TNRC6B: variants seen among roughly 807,000 people sequenced by gnomAD.
TNRC6B encodes the protein trinucleotide repeat-containing gene 6B protein.
TNRC6B carries 52 observed loss-of-function variants against 203.6 expected under a neutral mutation model. The ratio of observed to expected loss-of-function variants is 0.26; its 90% CI spans 0.20 to 0.32. TNRC6B has a LOEUF of 0.32. Ranked by LOEUF, TNRC6B falls within the 10% of genes least tolerant of loss-of-function variation. The pLI, the probability that TNRC6B is intolerant of heterozygous loss-of-function variation, is 1.00. For missense variants in TNRC6B, 1,923 were observed against 2,286.2 expected (o/e 0.84, Z 3.24); for synonymous variants, 838 against 845.7 (o/e 0.99, Z 0.16).
At chr22:40,177,705 TG>T (rs2069077666), upstream of TNRC6B, among the ~76,000 whole-genome samples, 1 of 152,256 alleles carries the variant, frequency 6.6e-6, no homozygotes, top group African/African-American at 2.4e-5. Context: ...TTTTCTGTTT[TG>T]TTCATCTGTT....
At chr22:40,159,265 A>G (rs2146356094) in intron 4 of TNRC6B, among the ~76,000 whole-genome samples, 1 of 146,874 alleles carries the variant, frequency 6.8e-6, no homozygotes, top group East Asian at 2.1e-4. Flanking sequence ...ACCTGGCCGG[A>G]ACTGAGTAAT....
intron 1 of TNRC6B, among the ~76,000 whole-genome samples, chr22:40,199,692 T>C (rs1402116764): frequency 2.0e-5 from 3 of 152,140 alleles, no homozygotes; most frequent in Admixed American, 1.3e-4. Context: ...GTGACGAAGC[T>C]TACATGGGGC....
chr22:40,305,225 G>A lies in TNRC6B; in HGVS notation c.4121-3287G>A, dbSNP rs146768747. Among the ~76,000 whole-genome samples the A allele has an allele frequency of 2.0e-3, 298 of 152,316 alleles. 3 individuals carry two copies. The highest frequency in any genetic ancestry group is 6.9e-3 in the African/African-American group (288 of 41,568). ...GATAAAAGCAGGTGACAGGCAAGGGGCATGTCTTACCTCTACTTGTACCTC... is the reference window on the plus strand; with the variant it reads ...GATAAAAGCAGGTGACAGGCAAGGGACATGTCTTACCTCTACTTGTACCTC... On this transcript the variant is annotated intron_variant, in intron 15 of 22. Transcript: ENST00000454349.
chr22:40,316,132 A>G, intron 21 of TNRC6B, 120 bp downstream of exon 21: 1 of 796,066 alleles, frequency 1.3e-6, no homozygotes, highest in Non-Finnish European at 2.1e-6. Flanking sequence ...AGGCGGGTGC[A>G]TCACGAGGTC....
chr22:40,266,758 C>T lies in TNRC6B; in HGVS notation c.2528C>T (p.Pro843Leu), dbSNP rs1179052687. 2 of 1,613,386 alleles carry T rather than the reference C, an allele frequency of 1.2e-6. No individual in the cohort carries two copies. The highest frequency in any genetic ancestry group is 1.7e-6 in the Non-Finnish European group (2 of 1,179,686). The part of the protein sequence containing the change: ...QPEASGSWGG[P>L]PPPPPGNVRP... ...GAGGCTTCTGGTTCGTGGGGAGGCCCACCCCCACCACCTCCAGGCAACGTT... is the reference window on the plus strand; with the variant it reads ...GAGGCTTCTGGTTCGTGGGGAGGCCTACCCCCACCACCTCCAGGCAACGTT... Residue 843 changes from proline to leucine, a missense_variant, in exon 5 of 23, where the codon CCA (proline) becomes CTA (leucine). Transcript: ENST00000454349.
chr22:40,141,204 CT>C (rs757105010), intron 3 of TNRC6B, among the ~76,000 whole-genome samples: 127 of 75,676 alleles, frequency 1.7e-3, no homozygotes, highest in African/African-American at 4.5e-3. Context: ...AAATTCTGTC[CT>C]TTTTTTTTTT....
intron 3 of TNRC6B, chr22:40,253,575 A>G (rs1262370331): frequency 4.4e-6 from 2 of 454,712 alleles, no homozygotes; most frequent in South Asian, 3.1e-5. Flanking sequence ...CAGTCTCCCT[A>G]CTCTCCCTAC....
At chr22:40,231,413 A>G (rs1189822250) in intron 1 of TNRC6B, among the ~76,000 whole-genome samples, 1 of 152,134 alleles carries the variant, frequency 6.6e-6, no homozygotes, top group African/African-American at 2.4e-5. Context: ...GGTTTTTAAA[A>G]ATTTCTATCC....
rs913212563 is a variant in TNRC6B at position 40,064,372 on chromosome 22, AT to A, written c.-121+19387del. ...TTGCCACTAAGTATGATGTTAGCTG[AT>A]TTTTTTTTTTTTAAGATGGCCTTTA... On this transcript the variant is annotated intron_variant, in intron 1 of 23. Coordinates refer to the TNRC6B transcript ENST00000301923. Among the ~76,000 whole-genome samples, 228 of 141,084 alleles carry A rather than the reference AT, an allele frequency of 1.6e-3. 1 individual carries two copies. Among genetic ancestry groups the A allele is most frequent in the South Asian group, 4.4e-3 (20 of 4,532 alleles). The allele number at this position is 141,084 out of a possible 152,430, so 92.6% of individuals were successfully genotyped here.
At chr22:40,217,068 C>T (rs2069645177) in intron 1 of TNRC6B, among the ~76,000 whole-genome samples, 1 of 152,116 alleles carries the variant, frequency 6.6e-6, no homozygotes, top group Admixed American at 6.6e-5. Flanking sequence ...TCCTCTAAGT[C>T]ATCTGCTCTG....
Position 40,312,690 on chromosome 22 carries a change from G to A in TNRC6B, c.4582+39G>A, listed in dbSNP as rs775766014. 5.7e-6 allele frequency: 9 copies of A among 1,580,126 alleles called. No homozygotes were observed. The African/African-American group carries it at 6.8e-5, about 12-fold the overall frequency. On this transcript the variant is annotated intron_variant, in intron 18 of 22. Transcript: ENST00000454349. ...GCATCTCTTATATGTTCAACACCCA[G>A]CATTTTCATAGTTGTCAGTTTGTGA...
At position 40,266,884 on chromosome 22, in the gene TNRC6B, G is replaced by A. The variant is rs745307505; in HGVS notation, c.2654G>A (p.Arg885Gln). 8.7e-6 allele frequency: 14 copies of A among 1,613,822 alleles called. No individual in the cohort carries two copies. The highest frequency in any genetic ancestry group is 2.2e-5 in the East Asian group (1 of 44,898). ...GAGCCATCCCCACAGTCAATTAGTC[G>A]GAAAATGGACATTGATGATGGCACT... The part of the protein sequence containing the change: ...WEEPSPQSIS[R>Q]KMDIDDGTSA... The change falls in exon 5 of 23, where the codon CGG becomes CAG. Residue 885 changes from arginine to glutamine, a missense_variant. Physicochemically the swap from Arg to Gln is conservative, Grantham distance 43. Around this residue, in one of 8 missense-constraint regions of TNRC6B, gnomAD observed 599 missense variants for 656.5 expected, o/e 0.91. Transcript: ENST00000454349.
intron 7 of TNRC6B, among the ~76,000 whole-genome samples, chr22:40,275,367 A>G (rs1333655379): frequency 1.3e-5 from 2 of 152,216 alleles, no homozygotes; most frequent in African/African-American, 4.8e-5. Context: ...TTGACAACCA[A>G]GATTTAATTA....
chr22:40,146,598 G>A lies in TNRC6B; in HGVS notation c.46-9517G>A, dbSNP rs888174450. Among the ~76,000 whole-genome samples the A allele has an allele frequency of 4.1e-5, 5 of 121,758 alleles. No individual in the cohort carries two copies. In the South Asian group the frequency reaches 1.0e-3, roughly 25 times the overall value. The allele number at this position is 121,758 out of a possible 152,430, so 79.9% of individuals were successfully genotyped here. ...TTTTTTTTTTTTGAGATGGAGTCTC[G>A]CTCTGTCGCCCAGGCTGGAGTGCAG... On this transcript the variant is annotated intron_variant, in intron 3 of 23. Coordinates refer to the TNRC6B transcript ENST00000301923.
intron 1 of TNRC6B, among the ~76,000 whole-genome samples, chr22:40,090,145 T>C (rs997052955): frequency 2.6e-5 from 4 of 152,218 alleles, no homozygotes; most frequent in Non-Finnish European, 5.9e-5. Context: ...GCAAACACCA[T>C]GTGTGGGTTT....
chr22:40,306,078 G>T lies in TNRC6B; in HGVS notation c.4121-2434G>T, dbSNP rs919850762. Among the ~76,000 whole-genome samples the T allele has an allele frequency of 4.6e-5, 7 of 151,948 alleles. No individual in the cohort carries two copies. The South Asian group carries it at 1.0e-3, about 22-fold the overall frequency. ...GAGACCGAGGCGGGCGGCTCACAAGGTCAGGAGATTGAGACCATCCTGGCT... is the reference window on the plus strand; with the variant it reads ...GAGACCGAGGCGGGCGGCTCACAAGTTCAGGAGATTGAGACCATCCTGGCT... On this transcript the variant is annotated intron_variant, in intron 15 of 22. Coordinates refer to ENST00000454349, the MANE Select transcript of TNRC6B (RefSeq NM_001162501.2).
chr22:40,077,930 G>C (rs537539340), intron 1 of TNRC6B, among the ~76,000 whole-genome samples: 1 of 152,144 alleles, frequency 6.6e-6, no homozygotes, highest in South Asian at 2.1e-4. Context: ...CACTACATAG[G>C]TACTTAATTT....
intron 1 of TNRC6B, among the ~76,000 whole-genome samples, chr22:40,107,476 G>A (rs756506874): frequency 1.2e-4 from 18 of 151,966 alleles, no homozygotes; most frequent in East Asian, 3.9e-4. Flanking sequence ...GATCTGTCCC[G>A]TCTTGTTAAG....
intron 21 of TNRC6B, among the ~76,000 whole-genome samples, chr22:40,319,362 T>C (rs1320909882): frequency 6.6e-6 from 1 of 151,700 alleles, no homozygotes; most frequent in Non-Finnish European, 1.5e-5. Flanking sequence ...AATATTAAGA[T>C]GTTTTTAGAG....
Sources: gnomAD v4.1 joint callset for allele counts (sites outside exome capture counted in the v4.1 genomes callset) on GRCh38, gnomAD v4.1.1 for gene constraint, gnomAD v4.1.1 regional missense constraint, MANE v1.5 for transcripts, NCBI Gene and HGNC (gene_info 2026-07-23, HGNC 2026-07-21) for gene names.